FHIT: variants seen among roughly 807,000 people sequenced by gnomAD.
FHIT encodes fragile histidine triad diadenosine triphosphatase, also known as bis(5'-adenosyl)-triphosphatase.
In FHIT, 19 loss-of-function variants were observed where a neutral mutation model predicts 17.9. The ratio of observed to expected loss-of-function variants is 1.06; its 90% CI spans 0.74 to 1.56. The LOEUF (loss-of-function observed/expected upper bound fraction) is 1.56. Among genes scored for constraint, FHIT ranks in the 40% most tolerant of loss-of-function variants. The pLI, the probability that FHIT is intolerant of heterozygous loss-of-function variation, is 0.00. For missense variants in FHIT, 248 were observed against 189.2 expected (o/e 1.31, Z -1.82); for synonymous variants, 81 against 69.7 (o/e 1.16, Z -0.81).
At chr3:60,392,991 C>G (rs1004691742) in intron 5 of FHIT, among the ~76,000 whole-genome samples, 1 of 152,138 alleles carries the variant, frequency 6.6e-6, no homozygotes, top group Non-Finnish European at 1.5e-5. Context: ...CACCTCTCCA[C>G]CATGACAATG....
intron 5 of FHIT, among the ~76,000 whole-genome samples, chr3:60,075,879 T>C (rs1039470036): frequency 8.5e-5 from 13 of 152,130 alleles, no homozygotes; most frequent in Non-Finnish European, 2.9e-5. Context: ...TATAATGATG[T>C]CCCTTTTTGA....
chr3:60,445,381 T>G (rs889012478), intron 5 of FHIT, among the ~76,000 whole-genome samples: 9 of 152,122 alleles, frequency 5.9e-5, no homozygotes, highest in Non-Finnish European at 1.2e-4. Flanking sequence ...GGTCTGTAGC[T>G]TTAAGAAGCA....
intron 5 of FHIT, among the ~76,000 whole-genome samples, chr3:60,077,808 C>T (rs1703098993): frequency 6.7e-6 from 1 of 149,196 alleles, no homozygotes; most frequent in Non-Finnish European, 1.5e-5. Context: ...AATATGATGA[C>T]TACAGTCAAT....
chr3:60,393,823 A>G (rs977238242), intron 5 of FHIT, among the ~76,000 whole-genome samples: 1 of 152,126 alleles, frequency 6.6e-6, no homozygotes, highest in Admixed American at 6.6e-5. Context: ...TAATAATGCC[A>G]CCTATGCCAG....
chr3:59,944,942 G>C (rs1706725689), intron 7 of FHIT, among the ~76,000 whole-genome samples: 1 of 152,100 alleles, frequency 6.6e-6, no homozygotes. Context: ...GGGCTTTTAG[G>C]TTGATTATAT....
chr3:60,539,470 G>T (rs1028538161), intron 4 of FHIT, among the ~76,000 whole-genome samples: 1 of 152,134 alleles, frequency 6.6e-6, no homozygotes, highest in Non-Finnish European at 1.5e-5. Context: ...TATAAATCAT[G>T]CTGCTATAAA....
chr3:59,864,924 T>C (rs1177989778), intron 8 of FHIT, among the ~76,000 whole-genome samples: 1 of 152,080 alleles, frequency 6.6e-6, no homozygotes, highest in Non-Finnish European at 1.5e-5. Context: ...TCCTATACCA[T>C]CAAGGCTGCC....
intron 5 of FHIT, among the ~76,000 whole-genome samples, chr3:60,352,356 C>T (rs748512096): frequency 5.3e-5 from 8 of 152,120 alleles, no homozygotes; most frequent in African/African-American, 9.7e-5. Context: ...AATTGTACAA[C>T]TCAACACATG....
At chr3:60,525,342 T>G (rs1030754299) in intron 5 of FHIT, among the ~76,000 whole-genome samples, 1 of 152,178 alleles carries the variant, frequency 6.6e-6, no homozygotes, top group African/African-American at 2.4e-5. Context: ...AAAATTAAAT[T>G]TATCCCATAA....
At chr3:61,057,477 G>T (rs1299962534) in intron 2 of FHIT, among the ~76,000 whole-genome samples, 1 of 151,948 alleles carries the variant, frequency 6.6e-6, no homozygotes, top group Non-Finnish European at 1.5e-5. Flanking sequence ...GGTTTCCAAT[G>T]AAACACACAG....
chr3:60,663,134 AG>A (rs1329696082), intron 4 of FHIT, among the ~76,000 whole-genome samples: 1 of 142,272 alleles, frequency 7.0e-6, no homozygotes, highest in African/African-American at 2.7e-5. Context: ...ATAGCTATAT[AG>A]CCCTAATATT....
chr3:61,113,467 G>T (rs1397167650), intron 2 of FHIT, among the ~76,000 whole-genome samples: 2 of 152,098 alleles, frequency 1.3e-5, no homozygotes, highest in African/African-American at 2.4e-5. Flanking sequence ...TTGTGTCTAT[G>T]GTTCTTTCTC....
At chr3:60,718,373 G>A (rs537802548) in intron 4 of FHIT, among the ~76,000 whole-genome samples, 1 of 152,278 alleles carries the variant, frequency 6.6e-6, no homozygotes, top group East Asian at 1.9e-4. Flanking sequence ...TTCTATGGCT[G>A]CCAAAATGGA....
chr3:60,141,302 T>C (rs1700029455), intron 5 of FHIT, among the ~76,000 whole-genome samples: 1 of 151,878 alleles, frequency 6.6e-6, no homozygotes, highest in South Asian at 2.1e-4. Context: ...TTACAATTGT[T>C]CTGAAAGAAA....
chr3:61,181,323 C>T (rs2038335916), intron 2 of FHIT, among the ~76,000 whole-genome samples: 2 of 152,040 alleles, frequency 1.3e-5, no homozygotes, highest in African/African-American at 2.4e-5. Context: ...ACTGTGAAAA[C>T]ATCAATATTT....
In FHIT at chr3:61,042,083, TAGATAG is replaced by T. The variant is rs2033545453; in HGVS notation, c.-153_-148del. The T allele has an allele frequency of 2.0e-5, 3 of 152,336 alleles. No homozygotes were observed. The South Asian group carries it at 6.2e-4, about 32-fold the overall frequency. 9.4% of individuals were successfully genotyped at this position (152,336 alleles called of 1,614,324 possible). On this transcript the variant is annotated 5_prime_UTR_variant, in exon 3 of 10. Transcript: ENST00000492590. ...TTCTCTCCCTTCCACCGTCTGGATG[TAGATAG>T]CACTACGGACCTAGGGAAAGGCAGA...
chr3:60,682,808 C>T lies in FHIT; in HGVS notation c.-18+139111G>A, dbSNP rs950989504. 2.6e-5 allele frequency among the ~76,000 whole-genome samples: 4 copies of T among 152,278 alleles called. No individual in the cohort carries two copies. In the South Asian group the frequency reaches 8.3e-4, roughly 32 times the overall value. On this transcript the variant is annotated intron_variant, in intron 4 of 9. Transcript: ENST00000492590. The stretch of plus-strand genomic sequence containing the variant: ...TGTAAGACTATACATAGTGATTTAT[C>T]AGATTGATCTGGGCAAAGTAAAATG...
intron 3 of FHIT, among the ~76,000 whole-genome samples, chr3:61,018,277 C>G (rs1047534034): frequency 6.6e-6 from 1 of 152,074 alleles, no homozygotes; most frequent in African/African-American, 2.4e-5. Flanking sequence ...TGTGACTAAT[C>G]AAGGAAAAAG....
chr3:60,282,781 A>T (rs1707523572), intron 5 of FHIT, among the ~76,000 whole-genome samples: 1 of 152,160 alleles, frequency 6.6e-6, no homozygotes, highest in Non-Finnish European at 1.5e-5. Context: ...AAAGTATTTT[A>T]ATTTTATTTT....
Sources: allele counts gnomAD v4.1 joint callset (sites outside exome capture counted in the v4.1 genomes callset), GRCh38; gene constraint gnomAD v4.1.1; transcripts MANE v1.5; gene names NCBI Gene and HGNC (gene_info 2026-07-23, HGNC 2026-07-21).